The following VEZF1 variants were observed in gnomAD, a reference collection of about 807,000 sequenced individuals.
VEZF1 encodes putative transcription factor DB1.
A neutral mutation model predicts 44.1 loss-of-function variants in VEZF1; 5 were observed. The observed-to-expected ratio is 0.11, with a 90% CI of 0.06 to 0.24. The LOEUF is 0.24. Among genes scored for constraint, VEZF1 ranks in the 10% least tolerant of loss-of-function variants. VEZF1 has a pLI of 1.00. For synonymous variants in VEZF1, 236 were observed against 233.1 expected (o/e 1.01, Z -0.11); for missense variants, 358 against 641.8 (o/e 0.56, Z 4.78).
chr17:57,982,328 T>C (rs972613519), intron 2 of VEZF1, among the ~76,000 whole-genome samples: 5 of 152,034 alleles, frequency 3.3e-5, no homozygotes, highest in African/African-American at 9.7e-5. Flanking sequence ...TAATTAAGAG[T>C]ATCCAAGGTC....
In VEZF1 at chr17:57,982,927, C is replaced by T; in HGVS notation, c.500G>A (p.Ser167Asn). The change falls in exon 2 of 6, where the codon AGT becomes AAT. Residue 167 changes from serine to asparagine, a missense_variant. This residue lies in a region of VEZF1 where 117 missense variants were observed against 207.2 expected (regional missense o/e 0.56). Coordinates refer to ENST00000581208, the MANE Select transcript of VEZF1 (RefSeq NM_007146.3). Reference protein sequence around the residue: ...MPVTQSVKKPSKPVKKNHACE... With the variant: ...MPVTQSVKKPNKPVKKNHACE... ...AGCATGGTTCTTCTTGACAGGCTTA[C>T]TGGGTTTCTTGACAGACTGGGTCAC... The T allele has an allele frequency of 6.2e-7, 1 of 1,614,196 alleles. No individual in the cohort carries two copies. Among genetic ancestry groups the T allele is most frequent in the South Asian group, 1.1e-5 (1 of 91,084 alleles).
intron 2 of VEZF1, among the ~76,000 whole-genome samples, chr17:57,982,497 T>C (rs145691669): frequency 2.7e-4 from 41 of 152,176 alleles, no homozygotes; most frequent in Admixed American, 5.2e-4. Flanking sequence ...AAAAACAGGT[T>C]AATCACTATG....
chr17:57,987,869 C>G (rs1394201947), intron 1 of VEZF1, among the ~76,000 whole-genome samples: 4 of 151,742 alleles, frequency 2.6e-5, no homozygotes, highest in African/African-American at 9.7e-5. Context: ...ACCCCGCGGC[C>G]TGCTATCTCC....
At chr17:57,975,854 G>A (rs1170032609) in intron 5 of VEZF1, among the ~76,000 whole-genome samples, 1 of 152,134 alleles carries the variant, frequency 6.6e-6, no homozygotes, top group Non-Finnish European at 1.5e-5. Flanking sequence ...CTGGAGTGCA[G>A]TAGCATGATC....
intron 4 of VEZF1, 76 bp from the exon 5 acceptor site, chr17:57,979,389 A>C: frequency 6.3e-7 from 1 of 1,584,966 alleles, no homozygotes; most frequent in Non-Finnish European, 8.6e-7. Context: ...TTGACTTCTC[A>C]TGCTTCTGTG....
chr17:57,978,495 A>C (rs934800365), intron 5 of VEZF1, among the ~76,000 whole-genome samples: 1 of 152,248 alleles, frequency 6.6e-6, no homozygotes, highest in African/African-American at 2.4e-5. Context: ...AAGTACGTTG[A>C]AAACTGATAC....
chr17:57,982,686 C>A lies in VEZF1; in HGVS notation c.728+13G>T. ...CATAATGAAGCAAAGCAAAGCAAAG[C>A]AAAATGCAGTACCTTGAGAAGCCTT... On this transcript the variant is annotated intron_variant, in intron 2 of 5. Transcript: ENST00000581208. 1 of 1,589,572 alleles carries A rather than the reference C, an allele frequency of 6.3e-7. No individual in the cohort carries two copies. Among genetic ancestry groups the A allele is most frequent in the Non-Finnish European group, 8.6e-7 (1 of 1,169,270 alleles).
Position 57,974,505 on chromosome 17 carries a change from G to A in VEZF1, c.1534C>T (p.Pro512Ser), listed in dbSNP as rs753099263. The A allele has an allele frequency of 6.2e-7, 1 of 1,613,838 alleles. No individual in the cohort carries two copies. The highest frequency in any genetic ancestry group is 8.5e-7 in the Non-Finnish European group (1 of 1,179,866). The change falls in exon 6 of 6, where the codon CCC (proline) becomes TCC (serine). Residue 512 changes from proline to serine, a missense_variant. Physicochemically the swap from Pro to Ser is moderately conservative, Grantham distance 74. Coordinates refer to ENST00000581208, the MANE Select transcript of VEZF1 (RefSeq NM_007146.3). ...GGCGGTGATGTAGGCAAAGCTTGGG[G>A]CAAGAAAGGCATGCTCTCTACAGGT... Reference protein sequence around the residue: ...MRPVESMPFLPQALPTSPPW With the variant: ...MRPVESMPFLSQALPTSPPW
rs534745901 is a variant in VEZF1 at position 57,987,728 on chromosome 17, C to G, written c.33+351G>C. On this transcript the variant is annotated intron_variant, in intron 1 of 5. Transcript: ENST00000581208. ...CAGCAGCCCGCGCTATCCAGCGGCCCGGCGCCCTCCTTTCTCTGGGCCGCG... is the reference window on the plus strand; with the variant it reads ...CAGCAGCCCGCGCTATCCAGCGGCCGGGCGCCCTCCTTTCTCTGGGCCGCG... 5.9e-3 allele frequency among the ~76,000 whole-genome samples: 894 copies of G among 152,228 alleles called. 10 individuals are homozygous for G. Among genetic ancestry groups the G allele is most frequent in the South Asian group, 0.03 (145 of 4,826 alleles).
At chr17:57,983,456 T>C (rs2075269476) in intron 1 of VEZF1, 63 bp from the exon 2 acceptor site, 1 of 1,402,294 alleles carries the variant, frequency 7.1e-7, no homozygotes, top group Non-Finnish European at 9.7e-7. Flanking sequence ...AAATTCAACA[T>C]GCTCCAGACA....
intron 1 of VEZF1, chr17:57,985,558 G>T: frequency 1.7e-6 from 1 of 599,906 alleles, no homozygotes; most frequent in Non-Finnish European, 2.1e-6. Context: ...GCTTTTATTT[G>T]ACTAGCATCA....
chr17:57,975,384 G>A (rs2075180159), intron 5 of VEZF1, among the ~76,000 whole-genome samples: 1 of 152,198 alleles, frequency 6.6e-6, no homozygotes. Flanking sequence ...CTTCTCGTAA[G>A]GCACACTGTA....
intron 1 of VEZF1, chr17:57,985,474 G>A (rs763294877): frequency 3.5e-4 from 420 of 1,214,384 alleles, no homozygotes; most frequent in Middle Eastern, 6.4e-4. Context: ...CTCTGGGGGA[G>A]AGACAGAGTA....
chr17:57,985,494 C>G (rs1457056874), intron 1 of VEZF1: 6 of 1,176,662 alleles, frequency 5.1e-6, no homozygotes, highest in Non-Finnish European at 5.3e-6. Context: ...AAAATAACAA[C>G]CACGGCCAGC....
chr17:57,977,231 C>CTTAGT (rs2075200742), intron 5 of VEZF1, among the ~76,000 whole-genome samples: 1 of 152,086 alleles, frequency 6.6e-6, no homozygotes, highest in Admixed American at 6.6e-5. Flanking sequence ...ACCCTCCCAC[C>CTTAGT]TTAGCTTCCT....
At chr17:57,974,975 C>T in intron 5 of VEZF1, 75 bp from the exon 6 acceptor site, 1 of 1,467,576 alleles carries the variant, frequency 6.8e-7, no homozygotes, top group South Asian at 1.3e-5. Context: ...GAATCAATTT[C>T]TTTTCATTAA....
intron 5 of VEZF1, among the ~76,000 whole-genome samples, chr17:57,975,602 A>T (rs903987924): frequency 6.6e-6 from 1 of 152,246 alleles, no homozygotes; most frequent in Non-Finnish European, 1.5e-5. Flanking sequence ...GAAAGAAAAA[A>T]ATACTCCTCA....
Position 57,983,097 on chromosome 17 carries a change from G to A in VEZF1, c.330C>T (p.Thr110=). ...TGGTAGAGATAAGGGGAACCACCGT[G>A]GTGGGGGTTTTCTTTGGCCGGGACA... ...KLVSRPKKTP[T]TVVPLISTIA... is the part of the protein sequence containing the mutation. Residue 110 remains threonine, a synonymous_variant, in exon 2 of 6, where the codon ACC becomes ACT. Coordinates refer to ENST00000581208, the MANE Select transcript of VEZF1 (RefSeq NM_007146.3). The A allele has an allele frequency of 3.7e-6, 6 of 1,614,216 alleles. No individual in the cohort carries two copies. Among genetic ancestry groups the A allele is most frequent in the South Asian group, 3.3e-5 (3 of 91,074 alleles).
rs1454009494 is a variant in VEZF1, at chr17:57,974,493, G to A, written c.1546C>T (p.Pro516Ser). 6.2e-7 allele frequency: 1 copy of A among 1,613,490 alleles called. No individual in the cohort carries two copies. The highest frequency in any genetic ancestry group is 1.7e-5 in the Admixed American group (1 of 60,002). Reference protein sequence around the residue: ...ESMPFLPQALPTSPPW With the variant: ...ESMPFLPQALSTSPPW ...ACTGTTTACCAAGGCGGTGATGTAG[G>A]CAAAGCTTGGGGCAAGAAAGGCATG... The change falls in exon 6 of 6, where the codon CCT becomes TCT. Residue 516 changes from proline to serine, a missense_variant. Pro to Ser is a moderately conservative substitution (Grantham distance 74). Coordinates refer to ENST00000581208, the MANE Select transcript of VEZF1 (RefSeq NM_007146.3).
Sources: gnomAD v4.1 joint callset for allele counts (sites outside exome capture counted in the v4.1 genomes callset) on GRCh38, gnomAD v4.1.1 for gene constraint, gnomAD v4.1.1 regional missense constraint, MANE v1.5 for transcripts, NCBI Gene and HGNC (gene_info 2026-07-23, HGNC 2026-07-21) for gene names.